Variants in TSC22D1 observed in about 807,000 individuals in gnomAD.
The protein encoded by TSC22D1 is TSC22 domain family protein 1.
TSC22D1 carries 9 observed loss-of-function variants against 74.2 expected under a neutral mutation model. The ratio of observed to expected loss-of-function variants is 0.12; its 90% CI spans 0.07 to 0.21. The LOEUF (loss-of-function observed/expected upper bound fraction) is 0.21. Among genes scored for constraint, TSC22D1 ranks in the 10% least tolerant of loss-of-function variants. TSC22D1 has a pLI of 1.00. For synonymous variants in TSC22D1, 586 were observed against 492.5 expected (o/e 1.19, Z -2.51); for missense variants, 1,427 against 1,304.7 (o/e 1.09, Z -1.44).
intron 1 of TSC22D1, among the ~76,000 whole-genome samples, chr13:44,565,746 G>A (rs921794685): frequency 6.6e-6 from 1 of 151,942 alleles, no homozygotes; most frequent in African/African-American, 2.4e-5. Flanking sequence ...TTTTTAAATC[G>A]AGATGGGGAC....
chr13:44,540,807 AAGAT>A (rs1440253724), intron 1 of TSC22D1, among the ~76,000 whole-genome samples: 14 of 152,192 alleles, frequency 9.2e-5, no homozygotes, highest in African/African-American at 1.7e-4. Context: ...AAAGGAGAAT[AAGAT>A]AGGCAGATAC....
At chr13:44,509,951 A>AAAAAAAAAAAAAAAAAAAAAGC (rs1879627082) in intron 1 of TSC22D1, among the ~76,000 whole-genome samples, 11 of 37,718 alleles carry the variant, frequency 2.9e-4, no homozygotes, top group East Asian at 1.2e-3. Flanking sequence ...GAAAATAAGC[A>AAAAAAAAAAAAAAAAAAAAAGC]AAAAAAAAAA....
At position 44,543,280 on chromosome 13, in the gene TSC22D1, T is replaced by C. The variant is rs540599642; in HGVS notation, c.2912+29883A>G. 5.9e-5 allele frequency among the ~76,000 whole-genome samples: 9 copies of C among 152,336 alleles called. No homozygotes were observed. In the South Asian group the frequency reaches 1.9e-3, roughly 32 times the overall value. On this transcript the variant is annotated intron_variant, in intron 1 of 2. Coordinates refer to ENST00000458659, the MANE Select transcript of TSC22D1 (RefSeq NM_183422.4). ...TACACAGCTTATTAGTTTTAAGCAT[T>C]TCTAATATCTAAGCATAAGGGAAGG...
At chr13:44,541,608 CTG>C (rs1881473127) in intron 1 of TSC22D1, among the ~76,000 whole-genome samples, 1 of 152,048 alleles carries the variant, frequency 6.6e-6, no homozygotes, top group Non-Finnish European at 1.5e-5. Context: ...ATTTAAAAGA[CTG>C]TATCTTTAGA....
chr13:44,508,030 G>C (rs1879517235), intron 1 of TSC22D1, among the ~76,000 whole-genome samples: 1 of 152,130 alleles, frequency 6.6e-6, no homozygotes, highest in Non-Finnish European at 1.5e-5. Flanking sequence ...GAACTCTCAA[G>C]TCTCATCCAT....
chr13:44,433,961 T>C lies in TSC22D1; in HGVS notation c.*665A>G. ...ACAGTCCTCTATTGTACAAAATAGTTACACTACATACACAAATATACAATA... is the reference window on the plus strand; with the variant it reads ...ACAGTCCTCTATTGTACAAAATAGTCACACTACATACACAAATATACAATA... On this transcript the variant is annotated 3_prime_UTR_variant, in exon 3 of 3. Coordinates refer to ENST00000458659, the MANE Select transcript of TSC22D1 (RefSeq NM_183422.4). The C allele has an allele frequency of 6.5e-7, 1 of 1,530,572 alleles. No homozygotes were observed. The allele number at this position is 1,530,572 out of a possible 1,614,324, so 94.8% of individuals were successfully genotyped here. A position where few individuals can be genotyped will look rare whatever the true frequency, so the allele number is the denominator to read the frequency against.
At chr13:44,561,343 C>T (rs1883025003) in intron 1 of TSC22D1, among the ~76,000 whole-genome samples, 1 of 152,100 alleles carries the variant, frequency 6.6e-6, no homozygotes, top group Non-Finnish European at 1.5e-5. Context: ...ACTAGACATC[C>T]CAAGTAAAGC....
chr13:44,546,579 T>TTCCTAAACTGGA (rs1192980629), intron 1 of TSC22D1, among the ~76,000 whole-genome samples: 1 of 152,096 alleles, frequency 6.6e-6, no homozygotes, highest in African/African-American at 2.4e-5. Flanking sequence ...ACAATATGAA[T>TTCCTAAACTGGA]TCCTAAACTG....
chr13:44,509,950 C>CAAAAAAAAAAAA, intron 1 of TSC22D1, among the ~76,000 whole-genome samples: 142 of 51,360 alleles, frequency 2.8e-3, no homozygotes, highest in African/African-American at 3.0e-3. Flanking sequence ...AGAAAATAAG[C>CAAAAAAAAAAAA]AAAAAAAAAA....
chr13:44,567,281 G>A (rs540357934), intron 1 of TSC22D1, among the ~76,000 whole-genome samples: 1 of 152,138 alleles, frequency 6.6e-6, no homozygotes. Context: ...TATACAAGAA[G>A]AAACCGACAC....
intron 1 of TSC22D1, among the ~76,000 whole-genome samples, chr13:44,468,394 T>C (rs535370374): frequency 1.4e-4 from 19 of 137,824 alleles, no homozygotes; most frequent in African/African-American, 4.5e-4. Flanking sequence ...TTAAAAAAGC[T>C]GCTACCATTT....
intron 1 of TSC22D1, among the ~76,000 whole-genome samples, chr13:44,483,063 T>A (rs148183583): frequency 2.2e-4 from 34 of 152,290 alleles, no homozygotes; most frequent in African/African-American, 7.5e-4. Context: ...TAAGAAATTT[T>A]AAAAAAGTAA....
chr13:44,532,580 TC>T (rs1715305713), intron 1 of TSC22D1, among the ~76,000 whole-genome samples: 1 of 152,092 alleles, frequency 6.6e-6, no homozygotes, highest in African/African-American at 2.4e-5. Context: ...TCCTCGCCAT[TC>T]TCCTGCCTCA....
intron 1 of TSC22D1, among the ~76,000 whole-genome samples, chr13:44,517,857 A>ATATATATATTAT (rs10627677): frequency 6.2e-5 from 1 of 16,178 alleles, no homozygotes; most frequent in African/African-American, 1.8e-4. Context: ...ATATATATAT[A>ATATATATATTAT]TTTTTTTTTT....
intron 1 of TSC22D1, among the ~76,000 whole-genome samples, chr13:44,449,988 G>C (rs1238654150): frequency 6.6e-6 from 1 of 152,106 alleles, no homozygotes; most frequent in African/African-American, 2.4e-5. Context: ...AGTGACTTGG[G>C]GGCAGTTGCA....
At chr13:44,555,089 C>T (rs548524235) in intron 1 of TSC22D1, among the ~76,000 whole-genome samples, 1 of 145,500 alleles carries the variant, frequency 6.9e-6, no homozygotes, top group Non-Finnish European at 1.5e-5. Flanking sequence ...AGTCTGAATA[C>T]AACTGGAAAG....
chr13:44,521,081 G>C (rs550724562), intron 1 of TSC22D1, among the ~76,000 whole-genome samples: 50 of 152,228 alleles, frequency 3.3e-4, no homozygotes, highest in Non-Finnish European at 5.6e-4. Context: ...ACTGACCCTA[G>C]AGAGCAAAAG....
chr13:44,541,106 CG>C (rs2138097441), intron 1 of TSC22D1, among the ~76,000 whole-genome samples: 1 of 152,252 alleles, frequency 6.6e-6, no homozygotes, highest in East Asian at 1.9e-4. Context: ...GTTAGTGGAA[CG>C]AGGATTGTGT....
chr13:44,569,972 T>C (rs1595177116), intron 1 of TSC22D1, among the ~76,000 whole-genome samples: 1 of 152,144 alleles, frequency 6.6e-6, no homozygotes, highest in Non-Finnish European at 1.5e-5. Context: ...TAGAGGAATA[T>C]TAAAAAGTGC....
Sources: allele counts gnomAD v4.1 joint callset (sites outside exome capture counted in the v4.1 genomes callset), GRCh38; gene constraint gnomAD v4.1.1; transcripts MANE v1.5; gene names NCBI Gene and HGNC (gene_info 2026-07-23, HGNC 2026-07-21).